Variants in ZBBX observed in about 807,000 individuals in gnomAD.
The protein encoded by ZBBX is zinc finger B-box domain-containing protein 1.
Under a neutral mutation model 108.5 loss-of-function variants are expected in ZBBX, and 101 were observed. That is an observed-to-expected ratio of 0.93 (90% confidence interval 0.79 to 1.10). The LOEUF (loss-of-function observed/expected upper bound fraction) is 1.10, where lower values mean the gene tolerates loss of function less well. Ranked by LOEUF, ZBBX falls within the 50% of genes least tolerant of loss-of-function variation. The pLI, the probability that ZBBX is intolerant of heterozygous loss-of-function variation, is 0.00. For synonymous variants in ZBBX, 356 were observed against 323.4 expected (o/e 1.10, Z -1.08); for missense variants, 1,009 against 941.4 (o/e 1.07, Z -0.94).
the ZBBX span, among the ~76,000 whole-genome samples, chr3:167,212,584 G>A: frequency 2.3e-3 from 354 of 152,270 alleles, 2 homozygotes; most frequent in African/African-American, 8.2e-3. Flanking sequence ...AACCCCTGGC[G>A]TGGACCCACA....
At chr3:167,326,147 C>T (rs1238507889) in intron 11 of ZBBX, among the ~76,000 whole-genome samples, 1 of 152,106 alleles carries the variant, frequency 6.6e-6, no homozygotes, top group Non-Finnish European at 1.5e-5. Flanking sequence ...AAATATCCAT[C>T]GATAAATGTC....
intron 20 of ZBBX, among the ~76,000 whole-genome samples, chr3:167,280,962 G>T (rs1424511604): frequency 6.6e-6 from 1 of 152,152 alleles, no homozygotes; most frequent in Non-Finnish European, 1.5e-5. Context: ...TAGGGACATG[G>T]ATGAAATTGG....
the ZBBX span, among the ~76,000 whole-genome samples, chr3:167,192,681 A>T: frequency 2.6e-5 from 4 of 151,862 alleles, no homozygotes; most frequent in Non-Finnish European, 5.9e-5. Context: ...TTTTTCCCTG[A>T]CTATGCATTT....
chr3:167,326,651 T>C (rs1737428854), intron 11 of ZBBX, among the ~76,000 whole-genome samples: 1 of 151,852 alleles, frequency 6.6e-6, no homozygotes, highest in Non-Finnish European at 1.5e-5. Flanking sequence ...GTAGCAAGCA[T>C]AAAGCACATA....
In ZBBX at chr3:167,348,367, A is replaced by AGAAG. The variant is rs1577061499; in HGVS notation, c.528+2052_528+2053insCTTC. Among the ~76,000 whole-genome samples, 4 of 148,752 alleles carry AGAAG rather than the reference A, an allele frequency of 2.7e-5. No individual in the cohort carries two copies. The East Asian group carries it at 5.9e-4, about 22-fold the overall frequency. On this transcript the variant is annotated intron_variant, in intron 9 of 21. Coordinates refer to ENST00000675490, the MANE Select transcript of ZBBX (RefSeq NM_001199201.2). ...AAGAAAGAAAGAAAGAAAGAAAGAA[A>AGAAG]GAAAAAAAAGAAAAGAAAAGAAGAA...
chr3:167,188,112 G>A, the ZBBX span, among the ~76,000 whole-genome samples: 1 of 152,054 alleles, frequency 6.6e-6, no homozygotes, highest in Admixed American at 6.6e-5. Context: ...TAAACTCCAT[G>A]GGATCAGTGG....
intron 20 of ZBBX, among the ~76,000 whole-genome samples, chr3:167,260,539 T>C (rs948886104): frequency 2.6e-5 from 4 of 152,236 alleles, no homozygotes; most frequent in Admixed American, 1.3e-4. Context: ...TTATTCTTTT[T>C]GCTTTGTCTT....
At chr3:167,192,344 A>T in the ZBBX span, among the ~76,000 whole-genome samples, 5 of 152,126 alleles carry the variant, frequency 3.3e-5, no homozygotes, top group Admixed American at 2.6e-4. Context: ...TTGTTTGTCT[A>T]GGAAAGACTT....
At chr3:167,307,768 A>C (rs1733906798) in intron 16 of ZBBX, among the ~76,000 whole-genome samples, 1 of 152,190 alleles carries the variant, frequency 6.6e-6, no homozygotes, top group South Asian at 2.1e-4. Flanking sequence ...CATATGCTGA[A>C]GATTGAAGCT....
chr3:167,220,319 C>T, the ZBBX span, among the ~76,000 whole-genome samples: 4 of 151,848 alleles, frequency 2.6e-5, no homozygotes, highest in African/African-American at 9.7e-5. Context: ...TGATGAACAT[C>T]GATGCAAAAA....
intron 6 of ZBBX, among the ~76,000 whole-genome samples, chr3:167,360,930 T>C (rs1049676057): frequency 6.6e-6 from 1 of 151,978 alleles, no homozygotes; most frequent in Non-Finnish European, 1.5e-5. Flanking sequence ...AAAAAGAAAA[T>C]AAATTTTAAA....
At chr3:167,322,718 T>C (rs1736650005) in intron 11 of ZBBX, among the ~76,000 whole-genome samples, 1 of 152,046 alleles carries the variant, frequency 6.6e-6, no homozygotes, top group South Asian at 2.1e-4. Context: ...GTTTAAGATA[T>C]TTCTGAAGCA....
chr3:167,223,711 T>G, the ZBBX span, among the ~76,000 whole-genome samples: 1 of 152,076 alleles, frequency 6.6e-6, no homozygotes, highest in African/African-American at 2.4e-5. Flanking sequence ...GGCAAAATTT[T>G]TGCCTTAAAA....
chr3:167,305,571 T>C, intron 17 of ZBBX, 72 bp downstream of exon 17: 2 of 1,165,896 alleles, frequency 1.7e-6, no homozygotes, highest in Non-Finnish European at 2.3e-6. Context: ...TGAGAATGTA[T>C]TGTGTCACTA....
At chr3:167,369,347 C>T (rs1745816073) in intron 4 of ZBBX, among the ~76,000 whole-genome samples, 1 of 152,172 alleles carries the variant, frequency 6.6e-6, no homozygotes, top group Non-Finnish European at 1.5e-5. Flanking sequence ...CCCACGCATG[C>T]TATGGCATGG....
the ZBBX span, among the ~76,000 whole-genome samples, chr3:167,228,807 C>T: frequency 6.6e-6 from 1 of 151,734 alleles, no homozygotes; most frequent in Admixed American, 6.6e-5. Context: ...GCTGTGAGTT[C>T]CTCATGATTG....
intron 20 of ZBBX, among the ~76,000 whole-genome samples, chr3:167,255,219 G>A (rs1723293772): frequency 6.6e-6 from 1 of 151,942 alleles, no homozygotes; most frequent in Non-Finnish European, 1.5e-5. Context: ...ACCATATTCA[G>A]GGTCAGACGA....
intron 7 of ZBBX, 58 bp from the exon 8 acceptor site, chr3:167,360,037 T>C (rs1461854872): frequency 5.8e-6 from 6 of 1,029,350 alleles, no homozygotes; most frequent in Middle Eastern, 2.8e-4. Flanking sequence ...AATTTTCCAA[T>C]TGATAAATTA....
At chr3:167,268,285 C>G (rs978219391) in intron 20 of ZBBX, among the ~76,000 whole-genome samples, 5 of 151,716 alleles carry the variant, frequency 3.3e-5, no homozygotes, top group African/African-American at 7.3e-5. Context: ...CTCAGTTACA[C>G]ACCTGGGTTG....
Sources: allele counts gnomAD v4.1 joint callset (sites outside exome capture counted in the v4.1 genomes callset), GRCh38; gene constraint gnomAD v4.1.1; transcripts MANE v1.5; gene names NCBI Gene and HGNC (gene_info 2026-07-23, HGNC 2026-07-21).